Variants in CFAP299 observed in about 807,000 individuals in gnomAD.
CFAP299 encodes the protein cilia and flagella associated protein 299.
CFAP299 carries 21 observed loss-of-function variants against 27.0 expected under a neutral mutation model. The ratio of observed to expected loss-of-function variants is 0.78; its 90% CI spans 0.55 to 1.12. The LOEUF is 1.12. Among genes scored for constraint, CFAP299 ranks in the 50% most tolerant of loss-of-function variants. The pLI is 0.00. For missense variants in CFAP299, 310 were observed against 276.6 expected (o/e 1.12, Z -0.86); for synonymous variants, 104 against 98.1 (o/e 1.06, Z -0.36).
intron 3 of CFAP299, among the ~76,000 whole-genome samples, chr4:80,835,480 TAA>T (rs75865319): frequency 5.6e-5 from 8 of 143,252 alleles, no homozygotes; most frequent in Admixed American, 2.1e-4. Context: ...GCACCCACAT[TAA>T]AAAAAAAAAA....
intron 2 of CFAP299, among the ~76,000 whole-genome samples, chr4:80,479,314 TAA>T (rs1220034239): frequency 6.6e-6 from 1 of 152,006 alleles, no homozygotes; most frequent in African/African-American, 2.4e-5. Flanking sequence ...AATTAGAAAT[TAA>T]GTTTACAAAG....
intron 3 of CFAP299, among the ~76,000 whole-genome samples, chr4:80,750,953 T>C (rs1160224675): frequency 1.3e-5 from 2 of 152,142 alleles, no homozygotes; most frequent in Non-Finnish European, 2.9e-5. Flanking sequence ...TGGTATTGGG[T>C]TACAACATGC....
At chr4:80,616,369 T>C (rs1177427119) in intron 3 of CFAP299, among the ~76,000 whole-genome samples, 1 of 152,258 alleles carries the variant, frequency 6.6e-6, no homozygotes, top group Non-Finnish European at 1.5e-5. Context: ...TAAACTTTTA[T>C]ATACACGCGT....
At chr4:80,696,187 G>A (rs1228666459) in intron 3 of CFAP299, among the ~76,000 whole-genome samples, 2 of 151,618 alleles carry the variant, frequency 1.3e-5, no homozygotes, top group African/African-American at 4.8e-5. Flanking sequence ...TGTAATTCCA[G>A]CTACTCGGGA....
chr4:80,462,457 C>T (rs1560578192), intron 2 of CFAP299, among the ~76,000 whole-genome samples: 1 of 152,138 alleles, frequency 6.6e-6, no homozygotes, highest in Non-Finnish European at 1.5e-5. Context: ...TAATAAAAAG[C>T]TAAACCAGCA....
In CFAP299 at chr4:80,765,571, G is replaced by A. The variant is rs555129828; in HGVS notation, c.334-104422G>A. On this transcript the variant is annotated intron_variant, in intron 3 of 5. Transcript: ENST00000358105. ...AAATGAATAGGTATAAAAATAAAAA[G>A]AATTGGACCCTTAGAAATAATAAGA... 3.2e-3 allele frequency among the ~76,000 whole-genome samples: 480 copies of A among 151,776 alleles called. 3 individuals are homozygous for A. Among genetic ancestry groups the A allele is most frequent in the African/African-American group, 0.011 (458 of 41,446 alleles).
intron 4 of CFAP299, among the ~76,000 whole-genome samples, chr4:80,925,366 T>A (rs559089454): frequency 1.3e-5 from 2 of 151,868 alleles, no homozygotes; most frequent in African/African-American, 2.4e-5. Flanking sequence ...AAATGCAACA[T>A]GATTTACGCT....
intron 2 of CFAP299, among the ~76,000 whole-genome samples, chr4:80,422,240 A>G (rs2110070713): frequency 6.6e-6 from 1 of 152,346 alleles, no homozygotes; most frequent in East Asian, 1.9e-4. Flanking sequence ...ATACTTAACA[A>G]CTATTCACCA....
At chr4:80,742,433 G>A (rs192773585) in intron 3 of CFAP299, among the ~76,000 whole-genome samples, 1 of 152,212 alleles carries the variant, frequency 6.6e-6, no homozygotes, top group African/African-American at 2.4e-5. Flanking sequence ...TACCATGCTA[G>A]TATTAGCTAT....
At chr4:80,910,676 G>A (rs545273951) in intron 4 of CFAP299, among the ~76,000 whole-genome samples, 40 of 152,152 alleles carry the variant, frequency 2.6e-4, no homozygotes, top group Non-Finnish European at 4.9e-4. Flanking sequence ...CTACCTGAGG[G>A]TAGAGGGTGG....
At chr4:80,647,538 A>AT (rs1740085314) in intron 3 of CFAP299, among the ~76,000 whole-genome samples, 1 of 151,956 alleles carries the variant, frequency 6.6e-6, no homozygotes, top group Non-Finnish European at 1.5e-5. Flanking sequence ...GAAATGACCC[A>AT]TTTTCTCTGA....
At chr4:80,891,797 A>AAT (rs1470451280) in intron 4 of CFAP299, among the ~76,000 whole-genome samples, 1 of 142,070 alleles carries the variant, frequency 7.0e-6, no homozygotes, top group African/African-American at 2.6e-5. Flanking sequence ...AATAAAAAAA[A>AAT]AAATAAAAGC....
At chr4:80,579,281 C>T (rs1001849043) in intron 2 of CFAP299, among the ~76,000 whole-genome samples, 7 of 152,164 alleles carry the variant, frequency 4.6e-5, no homozygotes, top group African/African-American at 1.4e-4. Context: ...TTTAAATACA[C>T]GCCTTAGAAG....
intron 2 of CFAP299, chr4:80,388,433 G>C: frequency 1.2e-6 from 1 of 831,392 alleles, no homozygotes; most frequent in East Asian, 2.4e-5. Context: ...TGTGTAGATT[G>C]TGTAGATGCT....
At chr4:80,359,611 T>C (rs1406292867) in intron 1 of CFAP299, among the ~76,000 whole-genome samples, 1 of 152,236 alleles carries the variant, frequency 6.6e-6, no homozygotes, top group African/African-American at 2.4e-5. Context: ...TGGTCTATTC[T>C]GCTATTAATA....
chr4:80,709,343 A>T (rs541147274), intron 3 of CFAP299, among the ~76,000 whole-genome samples: 1 of 152,316 alleles, frequency 6.6e-6, no homozygotes, highest in African/African-American at 2.4e-5. Context: ...AAAAATTGCC[A>T]AGGTTGCAAA....
intron 4 of CFAP299, among the ~76,000 whole-genome samples, chr4:80,942,804 A>G (rs572727658): frequency 2.0e-5 from 3 of 152,358 alleles, no homozygotes; most frequent in East Asian, 3.8e-4. Flanking sequence ...GAAGGAGAAT[A>G]TATGTACAGT....
intron 3 of CFAP299, among the ~76,000 whole-genome samples, chr4:80,867,386 C>T (rs1732807221): frequency 6.6e-6 from 1 of 152,056 alleles, no homozygotes. Context: ...TATATATATT[C>T]TAATAAGCTT....
chr4:80,907,867 C>G (rs907723265), intron 4 of CFAP299, among the ~76,000 whole-genome samples: 2 of 152,058 alleles, frequency 1.3e-5, no homozygotes, highest in African/African-American at 4.8e-5. Flanking sequence ...TCTCCCTTAC[C>G]CAGAATGGTA....
Sources: allele counts gnomAD v4.1 joint callset (sites outside exome capture counted in the v4.1 genomes callset), GRCh38; gene constraint gnomAD v4.1.1; transcripts MANE v1.5; gene names NCBI Gene and HGNC (gene_info 2026-07-23, HGNC 2026-07-21).